The following TFEC variants were observed in gnomAD, a reference collection of about 807,000 sequenced individuals.
The protein encoded by TFEC is transcription factor EC.
Under a neutral mutation model 41.6 loss-of-function variants are expected in TFEC, and 31 were observed. The ratio of observed to expected loss-of-function variants is 0.74; its 90% CI spans 0.56 to 1.01. TFEC has a LOEUF of 1.01. Among genes scored for constraint, TFEC ranks in the 50% least tolerant of loss-of-function variants. The probability of loss-of-function intolerance (pLI) is 0.00; values close to 1 mark genes in which losing one functional copy is unlikely to be tolerated. For synonymous variants in TFEC, 143 were observed against 140.6 expected (o/e 1.02, Z -0.12); for missense variants, 402 against 404.1 (o/e 0.99, Z 0.04).
chr7:116,039,421 CTGTGTGTG>C (rs140778741), intron 3 of TFEC, among the ~76,000 whole-genome samples: 21 of 144,340 alleles, frequency 1.5e-4, no homozygotes, highest in African/African-American at 5.0e-4. Flanking sequence ...AAAGAAAATT[CTGTGTGTG>C]TGTGTGTGTG....
chr7:116,065,836 G>T (rs1162333440), intron 3 of TFEC, among the ~76,000 whole-genome samples: 2 of 152,082 alleles, frequency 1.3e-5, no homozygotes, highest in South Asian at 2.1e-4. Context: ...ATGCCCTATT[G>T]TTCCTTAGGG....
intron 1 of TFEC, among the ~76,000 whole-genome samples, chr7:116,144,423 G>T (rs1289667089): frequency 1.3e-5 from 2 of 152,174 alleles, no homozygotes; most frequent in African/African-American, 4.8e-5. Context: ...AATTTTTTGT[G>T]TCTACTTGGC....
upstream of TFEC, among the ~76,000 whole-genome samples, chr7:116,033,553 C>T (rs1011815803): frequency 7.9e-5 from 12 of 152,064 alleles, no homozygotes; most frequent in Admixed American, 2.6e-4. Context: ...TCTCCATCCT[C>T]CATGTCTATC....
At chr7:116,013,297 G>A (rs1167349714) in intron 1 of TFEC, among the ~76,000 whole-genome samples, 1 of 152,118 alleles carries the variant, frequency 6.6e-6, no homozygotes, top group Non-Finnish European at 1.5e-5. Flanking sequence ...CTGTGCTTCT[G>A]TGTAGGAAAG....
chr7:116,150,520 AAT>A (rs1798739045), intron 1 of TFEC, among the ~76,000 whole-genome samples: 1 of 152,094 alleles, frequency 6.6e-6, no homozygotes, highest in Admixed American at 6.5e-5. Flanking sequence ...CATTAAAAAA[AAT>A]AAAATAAAAA....
intron 3 of TFEC, among the ~76,000 whole-genome samples, chr7:116,042,561 A>G (rs1299167508): frequency 1.3e-5 from 2 of 152,222 alleles, no homozygotes; most frequent in Non-Finnish European, 2.9e-5. Flanking sequence ...CTACAGGAAT[A>G]TTAAACTTAA....
chr7:115,977,863 G>T (rs926112898), intron 2 of TFEC, among the ~76,000 whole-genome samples: 2 of 151,616 alleles, frequency 1.3e-5, no homozygotes, highest in African/African-American at 4.8e-5. Context: ...TTTTACTTAA[G>T]AGTATGTCAT....
chr7:116,021,373 A>G (rs928758154), intron 1 of TFEC, among the ~76,000 whole-genome samples: 1 of 152,202 alleles, frequency 6.6e-6, no homozygotes, highest in Non-Finnish European at 1.5e-5. Flanking sequence ...CAGAAGAGTA[A>G]GAGGATAATG....
At chr7:115,954,237 T>C (rs1792097197) in intron 5 of TFEC, among the ~76,000 whole-genome samples, 1 of 152,102 alleles carries the variant, frequency 6.6e-6, no homozygotes, top group Admixed American at 6.6e-5. Flanking sequence ...ATGTTTCTTA[T>C]TATTTAAATG....
At chr7:115,970,896 G>A (rs1036665922) in intron 3 of TFEC, among the ~76,000 whole-genome samples, 7 of 151,902 alleles carry the variant, frequency 4.6e-5, no homozygotes, top group African/African-American at 1.7e-4. Context: ...GAGCCGTGAG[G>A]CAAATAATCC....
At chr7:115,991,060 G>C (rs1301783206) in intron 1 of TFEC, among the ~76,000 whole-genome samples, 1 of 152,216 alleles carries the variant, frequency 6.6e-6, no homozygotes, top group Non-Finnish European at 1.5e-5. Flanking sequence ...AGCTAGAAGA[G>C]AGGGGGGCCA....
rs191615247 is a variant in TFEC, at chr7:116,049,892, C to T, written c.198+60816G>A. Among the ~76,000 whole-genome samples, 621 of 152,136 alleles carry T rather than the reference C, an allele frequency of 4.1e-3. 5 individuals carry two copies. Among genetic ancestry groups the T allele is most frequent in the African/African-American group, 0.014 (585 of 41,502 alleles). The stretch of plus-strand genomic sequence containing the variant: ...TCCTGAATGACTACTGGGTACACAA[C>T]GAAATGAAGGCAGAAATAAAGATGT... On this transcript the variant is annotated intron_variant, in intron 3 of 8. Coordinates refer to the TFEC transcript ENST00000484212.
chr7:115,992,635 C>T (rs923743513), intron 1 of TFEC, among the ~76,000 whole-genome samples: 6 of 151,972 alleles, frequency 3.9e-5, no homozygotes, highest in Admixed American at 6.6e-5. Flanking sequence ...ATACATACAA[C>T]CTCCCAAGAC....
chr7:116,028,037 G>A (rs997572408), intron 1 of TFEC, among the ~76,000 whole-genome samples: 17 of 152,260 alleles, frequency 1.1e-4, no homozygotes, highest in African/African-American at 3.6e-4. Flanking sequence ...TTCTCGCCTT[G>A]ACCAATTCAT....
chr7:116,115,580 T>C (rs535947005), intron 1 of TFEC, among the ~76,000 whole-genome samples: 1 of 152,082 alleles, frequency 6.6e-6, no homozygotes, highest in African/African-American at 2.4e-5. Flanking sequence ...ATAAGGACTG[T>C]GTGATTGCTT....
chr7:116,010,965 C>T (rs1008490401), intron 1 of TFEC, among the ~76,000 whole-genome samples: 2 of 152,118 alleles, frequency 1.3e-5, no homozygotes, highest in African/African-American at 4.8e-5. Context: ...TTCTCAACCC[C>T]TTATCTGCAG....
At chr7:115,957,461 C>A (rs1792296917) in intron 3 of TFEC, among the ~76,000 whole-genome samples, 1 of 151,886 alleles carries the variant, frequency 6.6e-6, no homozygotes, top group Non-Finnish European at 1.5e-5. Flanking sequence ...TGAACTGCTT[C>A]TTGGGAACAA....
At chr7:116,017,400 T>A (rs1795233046) in intron 1 of TFEC, among the ~76,000 whole-genome samples, 1 of 152,120 alleles carries the variant, frequency 6.6e-6, no homozygotes, top group African/African-American at 2.4e-5. Context: ...ATTTTTGTAT[T>A]TTTCGTAGAG....
chr7:116,005,186 T>C (rs1230423954), intron 1 of TFEC, among the ~76,000 whole-genome samples: 25 of 152,104 alleles, frequency 1.6e-4, no homozygotes, highest in Admixed American at 1.6e-3. Flanking sequence ...CTGGTACCAG[T>C]AAAGTGGGGC....
Sources: allele counts gnomAD v4.1 joint callset (sites outside exome capture counted in the v4.1 genomes callset), GRCh38; gene constraint gnomAD v4.1.1; transcripts MANE v1.5; gene names NCBI Gene and HGNC (gene_info 2026-07-23, HGNC 2026-07-21).